Variants in MPPED2 observed in about 807,000 individuals in gnomAD.
The protein encoded by MPPED2 is metallophosphoesterase domain containing 2.
MPPED2 carries 5 observed loss-of-function variants against 33.0 expected under a neutral mutation model. That is an observed-to-expected ratio of 0.15 (90% CI 0.08 to 0.32). The LOEUF is 0.32. Ranked by LOEUF, MPPED2 falls within the 10% of genes least tolerant of loss-of-function variation. The pLI is 1.00. For synonymous variants in MPPED2, 136 were observed against 141.9 expected (o/e 0.96, Z 0.29); for missense variants, 275 against 372.1 (o/e 0.74, Z 2.15).
chr11:30,477,744 G>A (rs935590889), intron 4 of MPPED2, among the ~76,000 whole-genome samples: 4 of 151,878 alleles, frequency 2.6e-5, no homozygotes, highest in African/African-American at 2.4e-5. Flanking sequence ...GAAGCATTTC[G>A]TCTTCAAATT....
intron 2 of MPPED2, 96 bp from the exon 3 acceptor site, chr11:30,536,271 C>A (rs1346987047): frequency 3.6e-6 from 4 of 1,101,096 alleles, no homozygotes; most frequent in Non-Finnish European, 4.9e-6. Context: ...CGTGAATGCA[C>A]CCAGACAAAC....
At chr11:30,477,668 T>A (rs1951280710) in intron 4 of MPPED2, among the ~76,000 whole-genome samples, 1 of 152,136 alleles carries the variant, frequency 6.6e-6, no homozygotes, top group South Asian at 2.1e-4. Flanking sequence ...TATTCTGTAA[T>A]TTTTTTGGTA....
intron 4 of MPPED2, chr11:30,428,925 A>G (rs1394242700): frequency 1.3e-5 from 2 of 152,162 alleles, no homozygotes; most frequent in Non-Finnish European, 1.5e-5. Context: ...TATCTTCTCC[A>G]TACTTCATAT....
At chr11:30,540,797 C>T (rs1955062291) in intron 2 of MPPED2, among the ~76,000 whole-genome samples, 1 of 152,178 alleles carries the variant, frequency 6.6e-6, no homozygotes, top group Admixed American at 6.5e-5. Flanking sequence ...GAACCCAGTC[C>T]CTTTTCCATT....
At chr11:30,557,200 C>T (rs1956008273) in intron 2 of MPPED2, among the ~76,000 whole-genome samples, 1 of 138,550 alleles carries the variant, frequency 7.2e-6, no homozygotes, top group Non-Finnish European at 1.5e-5. Context: ...AATGACTGTG[C>T]CAAATAAGCA....
chr11:30,529,638 C>T (rs1309992037), intron 3 of MPPED2, among the ~76,000 whole-genome samples: 1 of 152,036 alleles, frequency 6.6e-6, no homozygotes. Context: ...TCACTTATCT[C>T]TAAGTTAAAA....
intron 6 of MPPED2, among the ~76,000 whole-genome samples, chr11:30,397,027 C>T (rs1176951212): frequency 6.6e-6 from 1 of 152,010 alleles, no homozygotes; most frequent in African/African-American, 2.4e-5. Flanking sequence ...ATTTTCAAGG[C>T]TTATATTCTG....
chr11:30,496,389 G>C (rs970506806), intron 3 of MPPED2, among the ~76,000 whole-genome samples: 1 of 152,044 alleles, frequency 6.6e-6, no homozygotes, highest in Non-Finnish European at 1.5e-5. Flanking sequence ...AGATAGTGCC[G>C]GGCAGCTGTC....
At chr11:30,421,191 A>T (rs978553491) in intron 4 of MPPED2, among the ~76,000 whole-genome samples, 1 of 152,148 alleles carries the variant, frequency 6.6e-6, no homozygotes, top group African/African-American at 2.4e-5. Flanking sequence ...AGGCAAAGGA[A>T]CAGGGCTTAA....
chr11:30,504,432 G>A (rs1024314671), intron 3 of MPPED2, among the ~76,000 whole-genome samples: 6 of 152,152 alleles, frequency 3.9e-5, no homozygotes, highest in African/African-American at 1.4e-4. Flanking sequence ...ATTACTGGGG[G>A]CTGATAGCAG....
At chr11:30,428,069 C>A (rs2133828297) in intron 4 of MPPED2, among the ~76,000 whole-genome samples, 1 of 152,230 alleles carries the variant, frequency 6.6e-6, no homozygotes, top group South Asian at 2.1e-4. Flanking sequence ...GCTCAGGAAG[C>A]TGACATACGG....
intron 3 of MPPED2, among the ~76,000 whole-genome samples, chr11:30,513,347 C>T (rs1225195072): frequency 2.6e-5 from 4 of 152,168 alleles, no homozygotes; most frequent in African/African-American, 7.2e-5. Context: ...GTCTTCTGTG[C>T]ACATCTTTGT....
intron 1 of MPPED2, chr11:30,584,029 C>T (rs1042930289): frequency 1.3e-5 from 2 of 152,350 alleles, no homozygotes; most frequent in South Asian, 2.1e-4. Flanking sequence ...CACACGCCTT[C>T]CCGGCGGGCT....
At chr11:30,538,739 C>A (rs1375797196) in intron 2 of MPPED2, among the ~76,000 whole-genome samples, 1 of 152,058 alleles carries the variant, frequency 6.6e-6, no homozygotes, top group Non-Finnish European at 1.5e-5. Context: ...CACATCTACA[C>A]CACCACCATG....
At chr11:30,468,265 CT>C in intron 4 of MPPED2, among the ~76,000 whole-genome samples, 1 of 80,422 alleles carries the variant, frequency 1.2e-5, no homozygotes, top group Non-Finnish European at 3.5e-5. Context: ...CACTCTCTCT[CT>C]CTCTCTCTCT....
chr11:30,536,175 C>A lies in MPPED2; in HGVS notation c.129G>T (p.Met43Ile). Residue 43 changes from methionine to isoleucine, a missense_variant and splice_region_variant, in exon 3 of 7, where the codon ATG becomes ATT. Transcript: ENST00000358117. ...GAGTGTCATATGGGATGGGGTCGAC[C>A]CTAAAGTAGACATAACAGATCCCAT... ...QSRFQPPHVH[M>I]VDPIPYDTPK... 1 of 1,589,458 alleles carries A rather than the reference C, an allele frequency of 6.3e-7. No homozygotes were observed. Among genetic ancestry groups the A allele is most frequent in the Non-Finnish European group, 8.5e-7 (1 of 1,169,742 alleles).
intron 2 of MPPED2, among the ~76,000 whole-genome samples, chr11:30,574,495 C>T (rs567281699): frequency 1.3e-5 from 2 of 152,276 alleles, no homozygotes; most frequent in African/African-American, 4.8e-5. Context: ...GTATCCCTGT[C>T]ATTAAGTGAC....
chr11:30,543,117 C>A (rs1323197595), intron 2 of MPPED2, among the ~76,000 whole-genome samples: 2 of 152,070 alleles, frequency 1.3e-5, no homozygotes, highest in Admixed American at 1.3e-4. Context: ...AATAAGTCTC[C>A]TAAATGAAAA....
chr11:30,419,515 C>T (rs2133780931), intron 4 of MPPED2, among the ~76,000 whole-genome samples: 1 of 152,260 alleles, frequency 6.6e-6, no homozygotes, highest in South Asian at 2.1e-4. Context: ...ATACCTGTTG[C>T]TTTTGTCTGT....
Sources: allele counts gnomAD v4.1 joint callset (sites outside exome capture counted in the v4.1 genomes callset), GRCh38; gene constraint gnomAD v4.1.1; transcripts MANE v1.5; gene names NCBI Gene and HGNC (gene_info 2026-07-23, HGNC 2026-07-21).